The following AGBL1 variants were observed in gnomAD, a reference collection of about 807,000 sequenced individuals.
AGBL1 encodes cytosolic carboxypeptidase 4.
Under a neutral mutation model 118.9 loss-of-function variants are expected in AGBL1, and 130 were observed. The observed-to-expected ratio is 1.09, with a 90% CI of 0.95 to 1.26. The LOEUF is 1.26. Among genes scored for constraint, AGBL1 ranks in the 50% most tolerant of loss-of-function variants. The pLI is 0.00. For missense variants in AGBL1, 1,584 were observed against 1,298.1 expected, an observed-to-expected ratio of 1.22 and a Z score of -3.38; for synonymous variants, 555 against 478.9, an observed-to-expected ratio of 1.16 and a Z score of -2.08.
chr15:86,779,510 T>A (rs2078301823), intron 22 of AGBL1, among the ~76,000 whole-genome samples: 1 of 152,226 alleles, frequency 6.6e-6, no homozygotes, highest in African/African-American at 2.4e-5. Flanking sequence ...AGGGCTGCTA[T>A]GAACAGTATT....
At chr15:86,250,516 ACT>A (rs1215710682) in intron 7 of AGBL1, among the ~76,000 whole-genome samples, 2 of 119,784 alleles carry the variant, frequency 1.7e-5, no homozygotes, top group East Asian at 2.6e-4. Context: ...ACAGAGTAAG[ACT>A]CTGTCTCAAA....
At chr15:86,627,334 G>T (rs2084903709) in intron 21 of AGBL1, among the ~76,000 whole-genome samples, 2 of 152,294 alleles carry the variant, frequency 1.3e-5, no homozygotes, top group East Asian at 1.9e-4. Context: ...TTTGCCTATT[G>T]TCTGGGCATG....
chr15:86,723,976 C>G (rs1439647516), intron 22 of AGBL1, among the ~76,000 whole-genome samples: 2 of 152,106 alleles, frequency 1.3e-5, no homozygotes, highest in Non-Finnish European at 2.9e-5. Flanking sequence ...TGGCTCAAGC[C>G]TGTAATCCCA....
At position 86,411,741 on chromosome 15, in the gene AGBL1, AT is replaced by A. The variant is rs891965611; in HGVS notation, c.2555+14203del. Among the ~76,000 whole-genome samples, 33 of 152,000 alleles carry A rather than the reference AT, an allele frequency of 2.2e-4. 1 individual carries two copies. Among genetic ancestry groups the A allele is most frequent in the African/African-American group, 7.5e-4 (31 of 41,498 alleles). On this transcript the variant is annotated intron_variant, in intron 18 of 22. Transcript: ENST00000614907. ...ATAAGAGACATAACTCTTTTTGGCCATTTTTTTTGTCATTACTCTGCATAAT... is the reference window on the plus strand; with the variant it reads ...ATAAGAGACATAACTCTTTTTGGCCATTTTTTTGTCATTACTCTGCATAAT...
chr15:86,143,956 A>G (rs1001642181), intron 3 of AGBL1, 111 bp downstream of exon 3: 16 of 1,351,518 alleles, frequency 1.2e-5, no homozygotes, highest in Non-Finnish European at 1.6e-5. Flanking sequence ...AGCGTCAGGG[A>G]GGTTCTGGAC....
At chr15:86,642,023 A>C (rs1275541114) in intron 21 of AGBL1, among the ~76,000 whole-genome samples, 1 of 152,200 alleles carries the variant, frequency 6.6e-6, no homozygotes, top group East Asian at 1.9e-4. Flanking sequence ...GTAATGAGAA[A>C]AGTGTAAGAG....
chr15:86,080,944 G>A (rs1183332272), intron 1 of AGBL1, among the ~76,000 whole-genome samples: 1 of 151,950 alleles, frequency 6.6e-6, no homozygotes, highest in Non-Finnish European at 1.5e-5. Flanking sequence ...GGGGCGGGGG[G>A]GGGTCCATGA....
intron 22 of AGBL1, among the ~76,000 whole-genome samples, chr15:86,856,138 G>A (rs1480451710): frequency 1.3e-5 from 2 of 152,186 alleles, no homozygotes; most frequent in African/African-American, 4.8e-5. Flanking sequence ...CAGGCCGACT[G>A]TCTTTCACAG....
chr15:86,483,453 G>A (rs1032318194), intron 18 of AGBL1, among the ~76,000 whole-genome samples: 3 of 152,112 alleles, frequency 2.0e-5, no homozygotes, highest in Non-Finnish European at 2.9e-5. Flanking sequence ...GGCAGTTAGC[G>A]AGGGAGGAGG....
intron 22 of AGBL1, among the ~76,000 whole-genome samples, chr15:86,805,048 G>C (rs1471095608): frequency 1.3e-5 from 2 of 152,016 alleles, no homozygotes; most frequent in African/African-American, 2.4e-5. Context: ...AGTGCATATT[G>C]GATAAAATAA....
chr15:86,784,103 T>C (rs1171665342), intron 22 of AGBL1, among the ~76,000 whole-genome samples: 1 of 152,200 alleles, frequency 6.6e-6, no homozygotes, highest in African/African-American at 2.4e-5. Flanking sequence ...CTGTCTGTAA[T>C]ATGTGAATAA....
At chr15:86,156,863 C>T (rs1224114588) in intron 4 of AGBL1, among the ~76,000 whole-genome samples, 2 of 147,052 alleles carry the variant, frequency 1.4e-5, no homozygotes, top group Non-Finnish European at 3.0e-5. Context: ...GATCTTGGCT[C>T]ACTGCAGCCT....
chr15:86,662,265 T>A (rs2085558250), intron 21 of AGBL1, among the ~76,000 whole-genome samples: 1 of 152,246 alleles, frequency 6.6e-6, no homozygotes, highest in African/African-American at 2.4e-5. Flanking sequence ...AGGGAAAAAG[T>A]GTCTGAAAAA....
intron 18 of AGBL1, among the ~76,000 whole-genome samples, chr15:86,505,784 A>G (rs961331462): frequency 2.6e-5 from 4 of 151,826 alleles, no homozygotes; most frequent in African/African-American, 2.4e-5. Flanking sequence ...TTCCACAAGG[A>G]TAGTTTCTAT....
intron 18 of AGBL1, among the ~76,000 whole-genome samples, chr15:86,453,186 G>C (rs996687420): frequency 1.3e-5 from 2 of 152,104 alleles, no homozygotes; most frequent in African/African-American, 4.8e-5. Context: ...CTCAATTACT[G>C]TTTGTTAAGT....
At chr15:86,828,022 C>A (rs2079055744) in intron 22 of AGBL1, among the ~76,000 whole-genome samples, 1 of 132,808 alleles carries the variant, frequency 7.5e-6, no homozygotes, top group South Asian at 2.5e-4. Flanking sequence ...TCACTGCAAC[C>A]TTAAACTCCT....
intron 18 of AGBL1, among the ~76,000 whole-genome samples, chr15:86,445,437 C>T (rs1021804642): frequency 2.6e-5 from 4 of 152,246 alleles, no homozygotes; most frequent in African/African-American, 9.6e-5. Context: ...ACTTCCCTTG[C>T]AGTTGATGTG....
chr15:86,211,548 G>A (rs534360513), intron 5 of AGBL1, among the ~76,000 whole-genome samples: 10 of 152,298 alleles, frequency 6.6e-5, no homozygotes, highest in South Asian at 2.1e-4. Context: ...CAGCAATGGC[G>A]AATGCCCCTC....
chr15:86,478,786 G>C (rs2082601113), intron 18 of AGBL1, among the ~76,000 whole-genome samples: 1 of 152,132 alleles, frequency 6.6e-6, no homozygotes, highest in Admixed American at 6.5e-5. Flanking sequence ...ACAATCCTAA[G>C]CCAAAAGAAC....
Sources: allele counts gnomAD v4.1 joint callset (sites outside exome capture counted in the v4.1 genomes callset), GRCh38; gene constraint gnomAD v4.1.1; transcripts MANE v1.5; gene names NCBI Gene and HGNC (gene_info 2026-07-23, HGNC 2026-07-21).